Variants in ARHGEF9 observed in about 807,000 individuals in gnomAD.
The protein encoded by ARHGEF9 is Cdc42 guanine nucleotide exchange factor 9, also known as rho guanine nucleotide exchange factor 9.
In ARHGEF9, 2 loss-of-function variants were observed where a neutral mutation model predicts 41.3. The observed-to-expected ratio is 0.05, with a 90% CI of 0.02 to 0.15. ARHGEF9 has a LOEUF of 0.15. Among genes scored for constraint, ARHGEF9 ranks in the 10% least tolerant of loss-of-function variants. The pLI is 1.00. For missense variants in ARHGEF9, 225 were observed against 424.7 expected (o/e 0.53, Z 4.13); for synonymous variants, 160 against 154.4 (o/e 1.04, Z -0.27).
intron 1 of ARHGEF9, among the ~76,000 whole-genome samples, chrX:63,764,152 G>A (rs2056078388): frequency 8.9e-6 from 1 of 112,157 alleles, no homozygotes; most frequent in Non-Finnish European, 1.9e-5. Context: ...TTAAAAAGTG[G>A]GCAAAGGACA....
intron 8 of ARHGEF9, among the ~76,000 whole-genome samples, chrX:63,647,444 T>C (rs2048188770): frequency 1.8e-5 from 2 of 111,288 alleles, no homozygotes; most frequent in South Asian, 7.6e-4. Flanking sequence ...GCATGAAGGG[T>C]TGTTGAATTT....
At chrX:63,769,126 G>C (rs782041514) in intron 1 of ARHGEF9, among the ~76,000 whole-genome samples, 1 of 112,041 alleles carries the variant, frequency 8.9e-6, no homozygotes, top group South Asian at 3.7e-4. Context: ...ACACGGCTTT[G>C]CCCAAAATGC....
At chrX:63,731,552 GT>G (rs1165184937) in intron 1 of ARHGEF9, among the ~76,000 whole-genome samples, 83 of 75,864 alleles carry the variant, frequency 1.1e-3, no homozygotes, top group East Asian at 4.5e-3. Context: ...CCCTGTCTCA[GT>G]TTTTTTTTTT....
At chrX:63,646,790 G>A (rs1159387198) in intron 8 of ARHGEF9, among the ~76,000 whole-genome samples, 2 of 111,767 alleles carry the variant, frequency 1.8e-5, no homozygotes, top group Non-Finnish European at 3.8e-5. Flanking sequence ...GCTTGATGGG[G>A]ATGGCATTGA....
rs146075061 is a variant in ARHGEF9, at chrX:63,712,368, C to T, written c.211-5919G>A. Among the ~76,000 whole-genome samples, 132 of 111,789 alleles carry T rather than the reference C, an allele frequency of 1.2e-3. No homozygotes were observed. The Middle Eastern group carries it at 0.014, about 12-fold the overall frequency. ...ACATAACAACCAAAAGTAGAAACAA[C>T]CCAAATGTTCATTAATTGATGAATG... On this transcript the variant is annotated intron_variant, in intron 2 of 9. Transcript: ENST00000671741.
chrX:63,717,875 C>G (rs1272634368), intron 2 of ARHGEF9, among the ~76,000 whole-genome samples: 35 of 111,670 alleles, frequency 3.1e-4, no homozygotes, highest in African/African-American at 9.8e-4. Context: ...TGGAAAGGCT[C>G]TGATTCTAAT....
At chrX:63,702,062 T>C (rs782116252) in intron 3 of ARHGEF9, among the ~76,000 whole-genome samples, 1 of 112,715 alleles carries the variant, frequency 8.9e-6, no homozygotes, top group Non-Finnish European at 1.9e-5. Context: ...GCTTAAAATA[T>C]ACCAAATGGA....
chrX:63,780,618 C>T (rs1439360562), intron 1 of ARHGEF9, among the ~76,000 whole-genome samples: 2 of 112,136 alleles, frequency 1.8e-5, no homozygotes, highest in Non-Finnish European at 3.8e-5. Context: ...AAAAAACAAA[C>T]AACAACAACA....
At chrX:63,690,206 AGTT>A (rs1267421279) in intron 4 of ARHGEF9, among the ~76,000 whole-genome samples, 3 of 111,573 alleles carry the variant, frequency 2.7e-5, no homozygotes, top group African/African-American at 9.7e-5. Context: ...TGAAATGAAA[AGTT>A]GTTTTTTTTG....
intron 2 of ARHGEF9, among the ~76,000 whole-genome samples, chrX:63,709,534 AG>A (rs1322455936): frequency 1.8e-5 from 2 of 111,662 alleles, no homozygotes; most frequent in Admixed American, 1.9e-4. Flanking sequence ...GTGATCCTCT[AG>A]CTTTTACCCT....
chrX:63,662,881 G>T (rs2049302109), intron 7 of ARHGEF9, among the ~76,000 whole-genome samples: 1 of 111,895 alleles, frequency 8.9e-6, no homozygotes, highest in South Asian at 3.7e-4. Flanking sequence ...TTTCCTATGT[G>T]TAGTCTTCTC....
intron 8 of ARHGEF9, among the ~76,000 whole-genome samples, chrX:63,647,469 T>C (rs2048191761): frequency 8.9e-6 from 1 of 111,978 alleles, no homozygotes; most frequent in Non-Finnish European, 1.9e-5. Flanking sequence ...AAAGGCCTTT[T>C]CTGCATCTAT....
chrX:63,746,029 A>G (rs1431944679), intron 1 of ARHGEF9, among the ~76,000 whole-genome samples: 1 of 112,139 alleles, frequency 8.9e-6, no homozygotes, highest in Admixed American at 9.4e-5. Context: ...CTCTCATTTT[A>G]GTGACGTGGA....
chrX:63,686,506 C>A (rs782717076), intron 4 of ARHGEF9, among the ~76,000 whole-genome samples: 1 of 111,444 alleles, frequency 9.0e-6, no homozygotes, highest in African/African-American at 3.3e-5. Context: ...CCGACTTGAT[C>A]ACTATGCATT....
chrX:63,695,916 T>G (rs1556387580), intron 4 of ARHGEF9, among the ~76,000 whole-genome samples: 1 of 111,826 alleles, frequency 8.9e-6, no homozygotes, highest in Non-Finnish European at 1.9e-5. Flanking sequence ...ATATGTGTTG[T>G]CCCAACTCAT....
chrX:63,717,805 T>C (rs1451308078), intron 2 of ARHGEF9, among the ~76,000 whole-genome samples: 5 of 111,863 alleles, frequency 4.5e-5, no homozygotes, highest in African/African-American at 1.6e-4. Context: ...ATAGGTGTTG[T>C]TATATCCTCA....
chrX:63,685,314 T>A (rs1421068307), intron 4 of ARHGEF9, among the ~76,000 whole-genome samples: 1 of 110,545 alleles, frequency 9.0e-6, no homozygotes, highest in Non-Finnish European at 1.9e-5. Context: ...CTGGGAGAAA[T>A]CACAAAAAAA....
chrX:63,692,610 C>T (rs1461832375), intron 4 of ARHGEF9, among the ~76,000 whole-genome samples: 3 of 111,787 alleles, frequency 2.7e-5, no homozygotes, highest in East Asian at 2.8e-4. Flanking sequence ...CACTGCTGAT[C>T]GGAATGTAAA....
intron 1 of ARHGEF9, among the ~76,000 whole-genome samples, chrX:63,765,397 TAAAA>T (rs1215037737): frequency 9.7e-6 from 1 of 103,440 alleles, no homozygotes; most frequent in African/African-American, 3.5e-5. Context: ...TAAAAAAAAT[TAAAA>T]AAAAAAACCC....
Sources: gnomAD v4.1 joint callset for allele counts (sites outside exome capture counted in the v4.1 genomes callset) on GRCh38, gnomAD v4.1.1 for gene constraint, MANE v1.5 for transcripts, NCBI Gene and HGNC (gene_info 2026-07-23, HGNC 2026-07-21) for gene names.